Variants in TMEM245 observed in about 807,000 individuals in gnomAD.
The protein encoded by TMEM245 is transmembrane protein 245.
In TMEM245, 69 loss-of-function variants were observed where a neutral mutation model predicts 101.2. The observed-to-expected ratio is 0.68, with a 90% CI of 0.56 to 0.83. The LOEUF (loss-of-function observed/expected upper bound fraction) is 0.83, where lower values mean the gene tolerates loss of function less well. Ranked by LOEUF, TMEM245 falls within the 40% of genes least tolerant of loss-of-function variation. TMEM245 has a pLI of 0.00. For synonymous variants in TMEM245, 537 were observed against 449.8 expected (o/e 1.19, Z -2.45); for missense variants, 1,075 against 1,092.8 (o/e 0.98, Z 0.23).
At chr9:109,108,623 T>C in intron 1 of TMEM245, 53 bp from the exon 2 acceptor site, 3 of 1,176,428 alleles carry the variant, frequency 2.6e-6, no homozygotes, top group Middle Eastern at 2.0e-4. Flanking sequence ...AAAATGAACA[T>C]ACAATTATAC....
At chr9:109,112,906 TC>T (rs1182559001) in intron 1 of TMEM245, among the ~76,000 whole-genome samples, 1 of 152,024 alleles carries the variant, frequency 6.6e-6, no homozygotes. Flanking sequence ...TGAAACCCCG[TC>T]TCTACTAAAA....
chr9:109,104,357 A>G lies in TMEM245; in HGVS notation c.799+2151T>C, dbSNP rs73520935. Among the ~76,000 whole-genome samples, 4 of 152,226 alleles carry G rather than the reference A, an allele frequency of 2.6e-5. No homozygotes were observed. The South Asian group carries it at 8.3e-4, about 32-fold the overall frequency. The stretch of plus-strand genomic sequence containing the variant: ...AAAATTAAAATTTAAAATTAAAAAA[A>G]ACACTAAAAAATTAAAGAGTAACGA... On this transcript the variant is annotated intron_variant, in intron 3 of 17. Transcript: ENST00000374586.
intron 15 of TMEM245, among the ~76,000 whole-genome samples, chr9:109,036,719 C>G (rs1048937634): frequency 6.6e-6 from 1 of 152,144 alleles, no homozygotes. Context: ...TGTGTCAAAA[C>G]TTGTACTGAG....
intron 17 of TMEM245, among the ~76,000 whole-genome samples, chr9:109,023,118 A>G (rs1827680756): frequency 6.6e-6 from 1 of 152,212 alleles, no homozygotes; most frequent in Non-Finnish European, 1.5e-5. Flanking sequence ...CAAACAAAAC[A>G]AAGAAAACCA....
rs13295587 is a variant in TMEM245 at position 109,050,149 on chromosome 9, T to C, written c.2123+134A>G. 8,616 of 1,039,428 alleles carry C rather than the reference T, an allele frequency of 8.3e-3. 65 individuals carry two copies. Among genetic ancestry groups the C allele is most frequent in the Non-Finnish European group, 0.011 (7,703 of 728,380 alleles). The allele number at this position is 1,039,428 out of a possible 1,614,324, so 64.4% of individuals were successfully genotyped here. A position where few individuals can be genotyped will look rare whatever the true frequency, so the allele number is the denominator to read the frequency against. ...TCATATTTATCCTGTCAAAATGAGA[T>C]GAAAACCTTGAAAATACCAGAGTCC... On this transcript the variant is annotated intron_variant, in intron 14 of 17. Transcript: ENST00000374586.
Position 109,119,501 on chromosome 9 carries a change from A to C in TMEM245, c.413T>G (p.Leu138Arg), listed in dbSNP as rs1240441995. 6.6e-7 allele frequency: 1 copy of C among 1,509,696 alleles called. No homozygotes were observed. The highest frequency in any genetic ancestry group is 1.4e-5 in the African/African-American group (1 of 69,376). The allele number at this position is 1,509,696 out of a possible 1,614,324, so 93.5% of individuals were successfully genotyped here. A position where few individuals can be genotyped will look rare whatever the true frequency, so the allele number is the denominator to read the frequency against. ...LCFVDYGVEALGEQALRRRRL... is the reference protein window; with the variant it reads ...LCFVDYGVEARGEQALRRRRL... ...GCGGCGGCGCAGCGCCTGCTCGCCCAGGGCCTCGACGCCGTAGTCGACGAA... is the reference window on the plus strand; with the variant it reads ...GCGGCGGCGCAGCGCCTGCTCGCCCCGGGCCTCGACGCCGTAGTCGACGAA... The change falls in exon 1 of 18, where the codon CTG becomes CGG. Residue 138 changes from leucine to arginine, a missense_variant. Coordinates refer to ENST00000374586, the MANE Select transcript of TMEM245 (RefSeq NM_032012.4).
At chr9:109,088,766 A>T (rs1829914617) in intron 5 of TMEM245, among the ~76,000 whole-genome samples, 1 of 148,620 alleles carries the variant, frequency 6.7e-6, no homozygotes, top group South Asian at 2.2e-4. Context: ...CAATGAGCCG[A>T]GATCCCGCCA....
intron 14 of TMEM245, among the ~76,000 whole-genome samples, chr9:109,040,116 G>A (rs536261207): frequency 6.6e-6 from 1 of 152,162 alleles, no homozygotes; most frequent in South Asian, 2.1e-4. Flanking sequence ...TGTTCTCAAG[G>A]CAACTTTTAA....
chr9:109,074,861 C>T (rs950974399), intron 8 of TMEM245, among the ~76,000 whole-genome samples: 5 of 151,970 alleles, frequency 3.3e-5, no homozygotes, highest in Admixed American at 6.6e-5. Flanking sequence ...TGCACCAAGA[C>T]GGGGAAAACA....
intron 10 of TMEM245, among the ~76,000 whole-genome samples, chr9:109,063,276 C>T (rs1458333603): frequency 6.6e-6 from 1 of 152,008 alleles, no homozygotes; most frequent in East Asian, 2.0e-4. Flanking sequence ...TGCGCAACCA[C>T]GCCTGGCTAA....
intron 17 of TMEM245, among the ~76,000 whole-genome samples, chr9:109,032,121 GTCATCTTTAAAGGACAT>G (rs1385402786): frequency 1.3e-5 from 2 of 152,062 alleles, no homozygotes; most frequent in Non-Finnish European, 2.9e-5. Flanking sequence ...ATCATGACAC[GTCATCTTTAAAGGACAT>G]TCTTCTACAG....
chr9:109,063,106 A>C (rs1829063235), intron 10 of TMEM245, among the ~76,000 whole-genome samples: 1 of 152,152 alleles, frequency 6.6e-6, no homozygotes, highest in Non-Finnish European at 1.5e-5. Context: ...AATTTGAGGT[A>C]AACAAGCTCA....
intron 3 of TMEM245, among the ~76,000 whole-genome samples, chr9:109,101,784 C>T (rs896875934): frequency 6.6e-6 from 1 of 152,162 alleles, no homozygotes; most frequent in African/African-American, 2.4e-5. Flanking sequence ...CACATCACTA[C>T]TCTAAGTTTA....
rs1828191844 is a variant in TMEM245 at position 109,038,073 on chromosome 9, A to G, written c.2168T>C (p.Leu723Ser). ...CATAGTATGAGTCAGCCAGGTATAC[A>G]ATCCATAGAAGCCAGCCATTTTGAG... ...ASLKMAGFYG[L>S]YTWLTHTMFG... The change falls in exon 15 of 18, where the codon TTG (leucine) becomes TCG (serine). Residue 723 changes from leucine to serine, a missense_variant. Coordinates refer to ENST00000374586, the MANE Select transcript of TMEM245 (RefSeq NM_032012.4). 6.2e-7 allele frequency: 1 copy of G among 1,613,538 alleles called. No homozygotes were observed. The highest frequency in any genetic ancestry group is 8.5e-7 in the Non-Finnish European group (1 of 1,179,720).
chr9:109,061,084 G>C (rs574444560), intron 10 of TMEM245, among the ~76,000 whole-genome samples: 2 of 152,254 alleles, frequency 1.3e-5, no homozygotes, highest in Non-Finnish European at 2.9e-5. Flanking sequence ...CAGAGGCTGA[G>C]GTGGGCAGAT....
intron 14 of TMEM245, among the ~76,000 whole-genome samples, chr9:109,048,693 C>G (rs1015708015): frequency 6.6e-6 from 1 of 152,068 alleles, no homozygotes; most frequent in East Asian, 1.9e-4. Flanking sequence ...CTGAGACAGG[C>G]CTGCTCTGCA....
chr9:109,090,189 G>A (rs917954416), intron 5 of TMEM245, among the ~76,000 whole-genome samples: 4 of 151,950 alleles, frequency 2.6e-5, no homozygotes, highest in Non-Finnish European at 5.9e-5. Context: ...TGAACCCAGG[G>A]GGCAAAGGCT....
intron 14 of TMEM245, 49 bp from the exon 15 acceptor site, chr9:109,038,166 C>A (rs767254821): frequency 1.4e-6 from 2 of 1,454,630 alleles, no homozygotes; most frequent in African/African-American, 1.4e-5. Context: ...AGTGTCATAT[C>A]GTGATTCAGA....
At chr9:109,119,129 G>C (rs148711729) in intron 1 of TMEM245, among the ~76,000 whole-genome samples, 213 of 152,344 alleles carry the variant, frequency 1.4e-3, no homozygotes, top group Non-Finnish European at 2.2e-3. Context: ...GAAAAGCAGG[G>C]AGGCTGTTTC....
Sources: allele counts gnomAD v4.1 joint callset (sites outside exome capture counted in the v4.1 genomes callset), GRCh38; gene constraint gnomAD v4.1.1; transcripts MANE v1.5; gene names NCBI Gene and HGNC (gene_info 2026-07-23, HGNC 2026-07-21).